The following ZNF521 variants were observed in gnomAD, a reference collection of about 807,000 sequenced individuals.
The protein encoded by ZNF521 is LYST-interacting protein 3.
In ZNF521, 14 loss-of-function variants were observed where a neutral mutation model predicts 105.5. That is an observed-to-expected ratio of 0.13 (90% CI 0.09 to 0.21). ZNF521 has a LOEUF of 0.21. ZNF521 is among the 10% of genes least tolerant of loss of function. ZNF521 has a pLI of 1.00. For synonymous variants in ZNF521, 635 were observed against 606.0 expected (o/e 1.05, Z -0.70); for missense variants, 1,233 against 1,629.7 (o/e 0.76, Z 4.19).
At chr18:25,208,208 T>C (rs534745575) in intron 4 of ZNF521, among the ~76,000 whole-genome samples, 2 of 152,306 alleles carry the variant, frequency 1.3e-5, no homozygotes, top group South Asian at 4.2e-4. Context: ...TTTGAAGATA[T>C]ATTTGCTTTT....
In ZNF521 at chr18:25,212,509, C is replaced by CAAAAA. The variant is rs59178760; in HGVS notation, c.3573+11831_3573+11835dup. On this transcript the variant is annotated intron_variant, in intron 4 of 7. Transcript: ENST00000361524. ...TGGGCAAAAGAGTGAGACTTAGTCTCAAAAAAAAAAAAAAAAAAAAAAAAA... is the reference window on the plus strand; with the variant it reads ...TGGGCAAAAGAGTGAGACTTAGTCTCAAAAAAAAAAAAAAAAAAAAAAAAAAAAAA... Among the ~76,000 whole-genome samples, 102 of 21,706 alleles carry CAAAAA rather than the reference C, an allele frequency of 4.7e-3. 20 individuals are homozygous for CAAAAA. Among genetic ancestry groups the CAAAAA allele is most frequent in the South Asian group, 5.8e-3 (3 of 520 alleles). 14.2% of individuals were successfully genotyped at this position (21,706 alleles called of 152,430 possible).
At chr18:25,172,728 G>C (rs1373718165) in intron 5 of ZNF521, among the ~76,000 whole-genome samples, 2 of 152,068 alleles carry the variant, frequency 1.3e-5, no homozygotes, top group African/African-American at 4.8e-5. Context: ...AAATGGAAAG[G>C]GAGTTCCTTT....
At chr18:25,250,226 T>A (rs1003429550) in intron 3 of ZNF521, among the ~76,000 whole-genome samples, 1 of 151,872 alleles carries the variant, frequency 6.6e-6, no homozygotes, top group Admixed American at 6.5e-5. Flanking sequence ...CCATTGCCCT[T>A]CAAGTTACAT....
chr18:25,318,952 G>GAAAAAAAAAAAA (rs201816993), intron 3 of ZNF521, among the ~76,000 whole-genome samples: 2 of 76,032 alleles, frequency 2.6e-5, no homozygotes, highest in African/African-American at 3.6e-5. Context: ...AGAAAAAAAA[G>GAAAAAAAAAAAA]AAAAAAAAAA....
intron 5 of ZNF521, among the ~76,000 whole-genome samples, chr18:25,159,094 G>C (rs536021349): frequency 6.6e-6 from 1 of 152,270 alleles, no homozygotes; most frequent in East Asian, 1.9e-4. Flanking sequence ...CCATCAGAGT[G>C]ATTTGCCCGG....
intron 3 of ZNF521, among the ~76,000 whole-genome samples, chr18:25,313,744 C>A (rs1231213096): frequency 2.0e-5 from 3 of 151,936 alleles, no homozygotes; most frequent in Admixed American, 2.0e-4. Context: ...TTGTATAATG[C>A]ATGTATGTAT....
chr18:25,224,393 C>A lies in ZNF521; in HGVS notation c.3525G>T (p.Thr1175=), dbSNP rs759251765. ...VPDSNSTQLK[T]PQVSPMPRIS... ...TTCTGGGCATTGGTGATACTTGGGG[C>A]GTTTTCAACTGTGTGCTGTTGCTGT... The change falls in exon 4 of 8, where the codon ACG becomes ACT. Residue 1175 remains threonine, a synonymous_variant. Coordinates refer to ENST00000361524, the MANE Select transcript of ZNF521 (RefSeq NM_015461.3). 1 of 1,612,928 alleles carries A rather than the reference C, an allele frequency of 6.2e-7. No individual in the cohort carries two copies. The highest frequency in any genetic ancestry group is 1.7e-5 in the Admixed American group (1 of 59,838).
At chr18:25,080,646 G>A (rs2033473623) in intron 7 of ZNF521, among the ~76,000 whole-genome samples, 1 of 152,168 alleles carries the variant, frequency 6.6e-6, no homozygotes, top group African/African-American at 2.4e-5. Context: ...TGATGGATCA[G>A]GAAGACGCTG....
At chr18:25,187,642 G>A (rs1825302925) in intron 5 of ZNF521, among the ~76,000 whole-genome samples, 1 of 152,164 alleles carries the variant, frequency 6.6e-6, no homozygotes, top group African/African-American at 2.4e-5. Flanking sequence ...GGGGACTGCA[G>A]TTGAGAGTGT....
chr18:25,093,174 G>A (rs956785929), intron 5 of ZNF521, among the ~76,000 whole-genome samples: 3 of 152,082 alleles, frequency 2.0e-5, no homozygotes, highest in African/African-American at 7.2e-5. Flanking sequence ...ACTCATAATT[G>A]GAAGAGCCAG....
In ZNF521 at chr18:25,342,505, T is replaced by A. The variant is rs935631954; in HGVS notation, c.40+8402A>T. On this transcript the variant is annotated intron_variant, in intron 2 of 7. Transcript: ENST00000361524. ...GTGCAGTGGAGCCATCTTGGCTCAC[T>A]GAAAGCTCCGCCTCCCAGGTTCCCG... is the stretch of plus-strand genomic sequence containing the variant. Among the ~76,000 whole-genome samples the A allele has an allele frequency of 2.0e-5, 3 of 147,898 alleles. 1 individual carries two copies. The highest frequency in any genetic ancestry group is 7.4e-5 in the African/African-American group (3 of 40,382).
chr18:25,212,957 G>A (rs770167129), intron 4 of ZNF521, among the ~76,000 whole-genome samples: 52 of 151,426 alleles, frequency 3.4e-4, no homozygotes, highest in African/African-American at 8.5e-4. Flanking sequence ...TTTGGGTGTC[G>A]TTTTACATGC....
Position 25,226,848 on chromosome 18 carries a change from G to A in ZNF521, c.1070C>T (p.Thr357Met), listed in dbSNP as rs200899329. ...VTVGYTSVSS[T>M]TPDSNLSVDS... Reference sequence around the variant, plus strand: ...CACTGAGAGGTTGGAATCTGGAGTCGTACTGGACACGGAGGTATAGCCCAC... The same window carrying A: ...CACTGAGAGGTTGGAATCTGGAGTCATACTGGACACGGAGGTATAGCCCAC... The change falls in exon 4 of 8, where the codon ACG (threonine) becomes ATG (methionine). Residue 357 changes from threonine (T) to methionine (M), a missense_variant. By Grantham distance (81) the Thr-to-Met change is moderately conservative. This residue lies in a region of ZNF521 where 380 missense variants were observed against 478.0 expected (regional missense o/e 0.80). Coordinates refer to ENST00000361524, the MANE Select transcript of ZNF521 (RefSeq NM_015461.3). The surrounding 1 kb of genome is among the most constrained non-coding windows in gnomAD (Gnocchi z 4.1). The A allele has an allele frequency of 4.2e-5, 68 of 1,613,930 alleles. No individual in the cohort carries two copies. Among genetic ancestry groups the A allele is most frequent in the Middle Eastern group, 3.3e-4 (2 of 6,062 alleles).
At chr18:25,292,347 T>A (rs187903315) in intron 3 of ZNF521, among the ~76,000 whole-genome samples, 1 of 152,342 alleles carries the variant, frequency 6.6e-6, no homozygotes, top group East Asian at 1.9e-4. Context: ...AGTCACCATC[T>A]GTACCATGTC....
rs918940500 is a variant in ZNF521, at chr18:25,285,362, C to T, written c.220+36646G>A. On this transcript the variant is annotated intron_variant, in intron 3 of 7. Transcript: ENST00000361524. ...CTCGGGGGACTCCAGCAATAGAAAT[C>T]TGCTGAATTCAAAGCATTTCCTAAG... 3.3e-5 allele frequency among the ~76,000 whole-genome samples: 5 copies of T among 152,332 alleles called. No homozygotes were observed. In the South Asian group the frequency reaches 1.0e-3, roughly 32 times the overall value.
At chr18:25,168,518 A>T (rs1432442931) in intron 5 of ZNF521, among the ~76,000 whole-genome samples, 1 of 152,240 alleles carries the variant, frequency 6.6e-6, no homozygotes, top group Non-Finnish European at 1.5e-5. Flanking sequence ...GGAGAGGCAC[A>T]GACTTCCCAA....
intron 5 of ZNF521, among the ~76,000 whole-genome samples, chr18:25,193,015 A>ACC (rs2035845088): frequency 6.6e-6 from 1 of 151,988 alleles, no homozygotes; most frequent in African/African-American, 2.4e-5. Context: ...AAATAACTAG[A>ACC]CCCTCTGTGA....
chr18:25,340,430 C>T (rs772282530), intron 2 of ZNF521, among the ~76,000 whole-genome samples: 1 of 152,070 alleles, frequency 6.6e-6, no homozygotes. Context: ...ATGTTTTGGA[C>T]GGCCAAAGGT....
chr18:25,083,810 C>T (rs2033558285), intron 7 of ZNF521, among the ~76,000 whole-genome samples: 1 of 151,798 alleles, frequency 6.6e-6, no homozygotes, highest in Non-Finnish European at 1.5e-5. Flanking sequence ...CTCTCTGTCG[C>T]CCAGGCTGGA....
Sources: allele counts gnomAD v4.1 joint callset (sites outside exome capture counted in the v4.1 genomes callset), GRCh38; gene constraint gnomAD v4.1.1; regional missense constraint gnomAD v4.1.1; non-coding constraint Gnocchi (gnomAD v3.1); transcripts MANE v1.5; gene names NCBI Gene and HGNC (gene_info 2026-07-23, HGNC 2026-07-21).